Variants in BBS2 observed in about 807,000 individuals in gnomAD.
The protein encoded by BBS2 is Bardet-Biedl syndrome 2, also known as BBSome complex member BBS2.
A neutral mutation model predicts 83.0 loss-of-function variants in BBS2; 62 were observed. The observed-to-expected ratio is 0.75, with a 90% CI of 0.61 to 0.92. The LOEUF (loss-of-function observed/expected upper bound fraction) is 0.92. BBS2 is among the 40% of genes least tolerant of loss of function. The pLI, the probability that BBS2 is intolerant of heterozygous loss-of-function variation, is 0.00. For missense variants in BBS2, 784 were observed against 901.0 expected, an observed-to-expected ratio of 0.87 and a Z score of 1.66; for synonymous variants, 303 against 326.1, an observed-to-expected ratio of 0.93 and a Z score of 0.76.
chr16:56,499,653 A>C, intron 12 of BBS2, 125 bp downstream of exon 12: 1 of 1,360,098 alleles, frequency 7.4e-7, no homozygotes, highest in South Asian at 1.2e-5. Flanking sequence ...CAAGTTAGAG[A>C]ATTCTTTCAT....
chr16:56,489,820 T>C (rs549486852), intron 15 of BBS2, among the ~76,000 whole-genome samples: 13 of 147,712 alleles, frequency 8.8e-5, no homozygotes, highest in African/African-American at 2.2e-4. Context: ...AAAAAAGTAG[T>C]AGTATTAAAA....
At chr16:56,481,432 G>A (rs933351990), downstream of BBS2, among the ~76,000 whole-genome samples, 9 of 152,160 alleles carry the variant, frequency 5.9e-5, no homozygotes, top group Admixed American at 6.5e-5. Flanking sequence ...CCTAAGGAGA[G>A]AGCATTTGAG....
intron 17 of BBS2, chr16:56,478,030 T>C (rs982921095): frequency 3.9e-5 from 6 of 152,254 alleles, no homozygotes; most frequent in African/African-American, 4.8e-5. Flanking sequence ...ATTATTTCTA[T>C]AACTTACTGT....
At position 56,515,540 on chromosome 16, in the gene BBS2, T is replaced by C. The variant is rs542640325; in HGVS notation, c.118-860A>G. ...AGGTGGGCAATATGACCAAAAAGGT[T>C]GGGAGGATGAAAAACACTGGACTAG... On this transcript the variant is annotated intron_variant, in intron 1 of 16. Transcript: ENST00000245157. Among the ~76,000 whole-genome samples, 30 of 152,278 alleles carry C rather than the reference T, an allele frequency of 2.0e-4. No individual in the cohort carries two copies. The East Asian group carries it at 3.7e-3, about 19-fold the overall frequency.
intron 5 of BBS2, among the ~76,000 whole-genome samples, chr16:56,507,156 G>C (rs1292251192): frequency 6.6e-6 from 1 of 152,164 alleles, no homozygotes; most frequent in Admixed American, 6.6e-5. Context: ...AATGAATCAT[G>C]ATTTTGCTGA....
chr16:56,481,718 C>G (rs140955725), downstream of BBS2, among the ~76,000 whole-genome samples: 5 of 152,334 alleles, frequency 3.3e-5, no homozygotes, highest in East Asian at 9.6e-4. Flanking sequence ...AAACTCATCT[C>G]TCCTTGTCCA....
At chr16:56,487,392 CATT>C (rs1963813804) in intron 15 of BBS2, among the ~76,000 whole-genome samples, 1 of 151,906 alleles carries the variant, frequency 6.6e-6, no homozygotes, top group South Asian at 2.1e-4. Context: ...GTAAAGGGCA[CATT>C]ATAAAATCAA....
chr16:56,514,173 CT>C (rs1242406980), intron 2 of BBS2, among the ~76,000 whole-genome samples: 1 of 152,200 alleles, frequency 6.6e-6, no homozygotes, highest in East Asian at 1.9e-4. Flanking sequence ...GGCTTCCCAG[CT>C]CTTGGCTGAA....
At chr16:56,509,878 C>G (rs1964528944) in intron 5 of BBS2, 79 bp downstream of exon 5, 1 of 1,456,720 alleles carries the variant, frequency 6.9e-7, no homozygotes, top group African/African-American at 1.4e-5. Flanking sequence ...GATGCCCCAG[C>G]ACTCTCACTT....
intron 1 of BBS2, among the ~76,000 whole-genome samples, chr16:56,515,414 C>T (rs937197975): frequency 1.3e-5 from 2 of 152,154 alleles, no homozygotes; most frequent in Non-Finnish European, 2.9e-5. Context: ...GATGGGGAAT[C>T]GTGTAGCCCT....
chr16:56,495,114 G>T (rs1964080808), intron 15 of BBS2, among the ~76,000 whole-genome samples: 2 of 152,308 alleles, frequency 1.3e-5, no homozygotes, highest in South Asian at 4.1e-4. Flanking sequence ...TTTTAAAGCT[G>T]ATAAAGAAAC....
chr16:56,487,296 T>G (rs1386006571), intron 15 of BBS2, among the ~76,000 whole-genome samples: 4 of 152,080 alleles, frequency 2.6e-5, no homozygotes, highest in Non-Finnish European at 5.9e-5. Context: ...CTAGGGACCC[T>G]ACAGATAGTT....
In BBS2 at chr16:56,485,716, T is replaced by C. The variant is rs1445066352; in HGVS notation, c.1933A>G (p.Met645Val). The C allele has an allele frequency of 1.9e-6, 3 of 1,613,994 alleles. No individual in the cohort carries two copies. The highest frequency in any genetic ancestry group is 3.3e-5 in the Admixed American group (2 of 60,030). Reference sequence around the variant, plus strand: ...TCTCTATTAAGGTCATAGAGTTCCATATAACGACTCTTCATTGTTTTCCTG... The same window carrying C: ...TCTCTATTAAGGTCATAGAGTTCCACATAACGACTCTTCATTGTTTTCCTG... ...RDMKTMKSRY[M>V]ELYDLNRDLL... The change falls in exon 16 of 17, where the codon ATG becomes GTG. Residue 645 changes from methionine to valine, a missense_variant. By Grantham distance (21) the Met-to-Val change is conservative. Transcript: ENST00000245157.
intron 2 of BBS2, among the ~76,000 whole-genome samples, chr16:56,512,825 T>C (rs562191949): frequency 2.6e-5 from 4 of 152,306 alleles, no homozygotes; most frequent in East Asian, 3.9e-4. Flanking sequence ...TGCATTTTCA[T>C]GTATGTACAT....
chr16:56,482,531 T>C (rs1963680032), downstream of BBS2, among the ~76,000 whole-genome samples: 1 of 152,048 alleles, frequency 6.6e-6, no homozygotes, highest in Non-Finnish European at 1.5e-5. Flanking sequence ...TCTCTTGAGT[T>C]TATAGGTTGA....
downstream of BBS2, among the ~76,000 whole-genome samples, chr16:56,483,373 G>A (rs1207271338): frequency 6.6e-6 from 1 of 152,078 alleles, no homozygotes; most frequent in African/African-American, 2.4e-5. Flanking sequence ...ACTGCCCTAA[G>A]ACCTCCCTCC....
intron 12 of BBS2, chr16:56,498,886 T>C (rs1964187022): frequency 4.6e-6 from 2 of 436,336 alleles, no homozygotes; most frequent in Admixed American, 3.6e-5. Context: ...AATGTACAAA[T>C]GATTCAGGTA....
chr16:56,475,400 A>C (rs761399995), intron 17 of BBS2: 67 of 990,122 alleles, frequency 6.8e-5, no homozygotes, highest in Non-Finnish European at 9.8e-5. Flanking sequence ...TTACTGCTGA[A>C]CTCCCAGATC....
rs753806664 is a variant in BBS2, at chr16:56,502,414, A to G, written c.983T>C (p.Leu328Pro). The G allele has an allele frequency of 3.1e-6, 5 of 1,614,108 alleles. No individual in the cohort carries two copies. In the African/African-American group the frequency reaches 5.3e-5, roughly 17 times the overall value. ...GTCCTGCTCTGCACTGGTGTCCATG[A>G]GGTTGCCCCTCATCTCAGCCGTGCC... ...LPGTAEMRGN[L>P]MDTSAEQDLI... The change falls in exon 9 of 17, where the codon CTC becomes CCC. Residue 328 changes from leucine (L) to proline (P), a missense_variant. Physicochemically the swap from Leu to Pro is moderately conservative, Grantham distance 98. Coordinates refer to ENST00000245157, the MANE Select transcript of BBS2 (RefSeq NM_031885.5).
Sources: allele counts gnomAD v4.1 joint callset (sites outside exome capture counted in the v4.1 genomes callset), GRCh38; gene constraint gnomAD v4.1.1; transcripts MANE v1.5; gene names NCBI Gene and HGNC (gene_info 2026-07-23, HGNC 2026-07-21).